Variants in RBFOX1 observed in about 807,000 individuals in gnomAD.
RBFOX1 encodes the protein RNA binding fox-1 homolog 1.
Under a neutral mutation model 57.7 loss-of-function variants are expected in RBFOX1, and 8 were observed. That is an observed-to-expected ratio of 0.14 (90% CI 0.08 to 0.25). RBFOX1 has a LOEUF of 0.25. RBFOX1 is among the 10% of genes least tolerant of loss of function. The probability of loss-of-function intolerance (pLI) is 1.00; values close to 1 mark genes in which losing one functional copy is unlikely to be tolerated. For missense variants in RBFOX1, 611 were observed against 548.5 expected, an observed-to-expected ratio of 1.11 and a Z score of -1.14; for synonymous variants, 326 against 222.4, an observed-to-expected ratio of 1.47 and a Z score of -4.15.
intron 1 of RBFOX1, among the ~76,000 whole-genome samples, chr16:5,312,928 T>C (rs2064131589): frequency 6.6e-6 from 1 of 152,212 alleles, no homozygotes; most frequent in Admixed American, 6.5e-5. Context: ...GGTGCCTCTG[T>C]TTGGCTTGCT....
chr16:6,563,631 C>T (rs1309037920), intron 2 of RBFOX1, among the ~76,000 whole-genome samples: 5 of 152,076 alleles, frequency 3.3e-5, no homozygotes, highest in African/African-American at 7.2e-5. Context: ...ATTGTTTGAG[C>T]TCAGGGGTTC....
At chr16:7,292,089 A>G (rs1321402292) in intron 4 of RBFOX1, among the ~76,000 whole-genome samples, 1 of 76,082 alleles carries the variant, frequency 1.3e-5, no homozygotes, top group Non-Finnish European at 2.5e-5. Context: ...ATGATGTATA[A>G]TATATAATAT....
chr16:6,985,111 C>CCCTAA (rs1397260484), intron 3 of RBFOX1, among the ~76,000 whole-genome samples: 29 of 150,126 alleles, frequency 1.9e-4, no homozygotes, highest in African/African-American at 5.5e-4. Context: ...TCCTTCCTTC[C>CCCTAA]CCTACCCTAC....
At chr16:7,003,752 A>G (rs1034362453) in intron 3 of RBFOX1, among the ~76,000 whole-genome samples, 13 of 152,124 alleles carry the variant, frequency 8.5e-5, no homozygotes, top group Non-Finnish European at 1.9e-4. Flanking sequence ...AAAAAACATG[A>G]TATGCACATC....
intron 2 of RBFOX1, among the ~76,000 whole-genome samples, chr16:5,533,413 C>T (rs1307517279): frequency 6.6e-6 from 1 of 152,166 alleles, no homozygotes; most frequent in African/African-American, 2.4e-5. Context: ...AGTTTCATCA[C>T]TGGGGAAGGG....
At chr16:6,125,067 C>G (rs1006634053) in intron 1 of RBFOX1, among the ~76,000 whole-genome samples, 2 of 152,112 alleles carry the variant, frequency 1.3e-5, no homozygotes, top group African/African-American at 2.4e-5. Flanking sequence ...TGATCCCCTC[C>G]TCAGAGTTCC....
intron 4 of RBFOX1, among the ~76,000 whole-genome samples, chr16:7,163,614 A>G (rs9928925): frequency 7.3e-5 from 11 of 150,934 alleles, no homozygotes; most frequent in African/African-American, 2.7e-4. Context: ...TAAGCTGAGG[A>G]CTTTTTTTTC....
At chr16:7,183,828 G>A (rs1404414302) in intron 4 of RBFOX1, among the ~76,000 whole-genome samples, 1 of 152,204 alleles carries the variant, frequency 6.6e-6, no homozygotes, top group East Asian at 1.9e-4. Context: ...CTATTGTCAG[G>A]TGTGGTTTTA....
chr16:7,016,163 C>A (rs965076017), intron 3 of RBFOX1, among the ~76,000 whole-genome samples: 1 of 152,134 alleles, frequency 6.6e-6, no homozygotes, highest in African/African-American at 2.4e-5. Context: ...ACATGACCAT[C>A]CCTTGCCGCG....
intron 3 of RBFOX1, among the ~76,000 whole-genome samples, chr16:6,738,212 A>G (rs1015706943): frequency 6.6e-6 from 1 of 152,148 alleles, no homozygotes; most frequent in South Asian, 2.1e-4. Flanking sequence ...ACTGTACATC[A>G]AATAGTAATG....
chr16:5,813,875 C>G (rs2055525605), intron 3 of RBFOX1, among the ~76,000 whole-genome samples: 1 of 152,222 alleles, frequency 6.6e-6, no homozygotes, highest in Non-Finnish European at 1.5e-5. Context: ...AACATCTTCA[C>G]TGCTGACTTG....
Position 5,580,790 on chromosome 16 carries a change from A to G in RBFOX1, c.259-18112A>G, listed in dbSNP as rs149127411. Among the ~76,000 whole-genome samples the G allele has an allele frequency of 8.5e-3, 1,289 of 152,316 alleles. 7 individuals carry two copies. The highest frequency in any genetic ancestry group is 0.037 in the Middle Eastern group (11 of 294). ...AACTGGTGGGATTCCAGCGAAGGGCAATCCAGACCCAGGAAGCTGTAGGGC... is the reference window on the plus strand; with the variant it reads ...AACTGGTGGGATTCCAGCGAAGGGCGATCCAGACCCAGGAAGCTGTAGGGC... On this transcript the variant is annotated intron_variant, in intron 2 of 2. Transcript: ENST00000585867.
intron 1 of RBFOX1, among the ~76,000 whole-genome samples, chr16:6,316,556 G>GA (rs1246952739): frequency 4.6e-5 from 7 of 152,130 alleles, no homozygotes. Context: ...TTCCTAGGGG[G>GA]AAAATCCATA....
intron 4 of RBFOX1, among the ~76,000 whole-genome samples, chr16:7,175,273 C>G (rs1054879667): frequency 6.6e-6 from 1 of 151,928 alleles, no homozygotes; most frequent in Non-Finnish European, 1.5e-5. Flanking sequence ...TTTTTCAGCT[C>G]CCACTTATAA....
Position 6,930,151 on chromosome 16 carries a change from A to C in RBFOX1, c.-15-121906A>C, listed in dbSNP as rs568362914. On this transcript the variant is annotated intron_variant, in intron 3 of 15. Transcript: ENST00000550418. ...CCCCTCAATCTGTGCTAGGGAAATA[A>C]AGAGAAGAGAGATATTATCCCATCT... Among the ~76,000 whole-genome samples, 11 of 152,310 alleles carry C rather than the reference A, an allele frequency of 7.2e-5. No individual in the cohort carries two copies. In the East Asian group the frequency reaches 2.1e-3, roughly 29 times the overall value.
intron 2 of RBFOX1, among the ~76,000 whole-genome samples, chr16:5,594,286 A>C (rs1285754743): frequency 1.3e-5 from 2 of 152,242 alleles, no homozygotes; most frequent in Middle Eastern, 3.4e-3. Context: ...GGATGTGGCT[A>C]TTCATAGGTG....
At chr16:7,699,560 C>T (rs1434800586) in intron 14 of RBFOX1, among the ~76,000 whole-genome samples, 1 of 152,126 alleles carries the variant, frequency 6.6e-6, no homozygotes, top group Non-Finnish European at 1.5e-5. Context: ...TCACATGTGG[C>T]TGTGGAGCCC....
chr16:6,607,475 C>G (rs910843439), intron 2 of RBFOX1, among the ~76,000 whole-genome samples: 5 of 147,934 alleles, frequency 3.4e-5, no homozygotes, highest in Non-Finnish European at 6.0e-5. Context: ...CCTCCTCTGT[C>G]TCTCCTTACT....
At chr16:7,118,845 G>T (rs765044559) in intron 4 of RBFOX1, among the ~76,000 whole-genome samples, 9 of 152,126 alleles carry the variant, frequency 5.9e-5, no homozygotes, top group Non-Finnish European at 1.0e-4. Flanking sequence ...AGAGAGAATG[G>T]AAGCATATAC....
Sources: gnomAD v4.1 joint callset for allele counts (sites outside exome capture counted in the v4.1 genomes callset) on GRCh38, gnomAD v4.1.1 for gene constraint, MANE v1.5 for transcripts, NCBI Gene and HGNC (gene_info 2026-07-23, HGNC 2026-07-21) for gene names.